Variants in SLC24A2 observed in about 807,000 individuals in gnomAD.
SLC24A2 encodes the protein solute carrier family 24 member 2.
In SLC24A2, 36 loss-of-function variants were observed where a neutral mutation model predicts 62.0. The observed-to-expected ratio is 0.58, with a 90% confidence interval of 0.44 to 0.77. The LOEUF is 0.77. Ranked by LOEUF, SLC24A2 falls within the 30% of genes least tolerant of loss-of-function variation. SLC24A2 has a pLI of 0.00. For missense variants in SLC24A2, 846 were observed against 817.9 expected (o/e 1.03, Z -0.42); for synonymous variants, 358 against 294.0 (o/e 1.22, Z -2.23).
chr9:20,214,726 C>G, the SLC24A2 span, among the ~76,000 whole-genome samples: 1 of 152,258 alleles, frequency 6.6e-6, no homozygotes, highest in East Asian at 1.9e-4. Flanking sequence ...TATCATTTGT[C>G]TTCCCTACTA....
chr9:19,704,144 C>T (rs983885438), intron 2 of SLC24A2, among the ~76,000 whole-genome samples: 1 of 151,840 alleles, frequency 6.6e-6, no homozygotes, highest in Admixed American at 6.6e-5. Flanking sequence ...ATACCTGGAA[C>T]TTGTTAAGAT....
At chr9:19,768,319 C>G (rs908699453) in intron 2 of SLC24A2, among the ~76,000 whole-genome samples, 1 of 152,202 alleles carries the variant, frequency 6.6e-6, no homozygotes, top group Non-Finnish European at 1.5e-5. Context: ...GCCAGGTTTT[C>G]ACCCAAGCAC....
chr9:19,566,319 C>T (rs1184951642), intron 7 of SLC24A2, among the ~76,000 whole-genome samples: 4 of 150,004 alleles, frequency 2.7e-5, no homozygotes, highest in African/African-American at 9.8e-5. Flanking sequence ...ACAGACACTT[C>T]TCAAAAGAAG....
the SLC24A2 span, among the ~76,000 whole-genome samples, chr9:19,999,065 T>C: frequency 6.6e-6 from 1 of 152,212 alleles, no homozygotes; most frequent in Non-Finnish European, 1.5e-5. Flanking sequence ...TGGTGTAAGA[T>C]GGGGATCCCC....
At chr9:19,536,352 T>G in intron 8 of SLC24A2, among the ~76,000 whole-genome samples, 2 of 92,970 alleles carry the variant, frequency 2.2e-5, no homozygotes, top group South Asian at 4.8e-4. Context: ...CCCTCCCCCC[T>G]CCCCCGACCC....
chr9:20,133,469 C>G, the SLC24A2 span, among the ~76,000 whole-genome samples: 1 of 152,080 alleles, frequency 6.6e-6, no homozygotes, highest in African/African-American at 2.4e-5. Flanking sequence ...GCTTATAAAA[C>G]TATATTCTCA....
intron 2 of SLC24A2, among the ~76,000 whole-genome samples, chr9:19,746,646 C>G (rs1185871509): frequency 2.0e-5 from 3 of 152,134 alleles, no homozygotes; most frequent in Non-Finnish European, 4.4e-5. Context: ...TCTGGCATTA[C>G]TCTGAAATCC....
the SLC24A2 span, among the ~76,000 whole-genome samples, chr9:20,195,503 T>A: frequency 6.6e-6 from 1 of 152,208 alleles, no homozygotes; most frequent in Non-Finnish European, 1.5e-5. Flanking sequence ...TCTGTCTAAA[T>A]CTTTAGTCTG....
At chr9:19,529,937 G>A (rs1047047669) in intron 8 of SLC24A2, among the ~76,000 whole-genome samples, 5 of 151,820 alleles carry the variant, frequency 3.3e-5, no homozygotes, top group Non-Finnish European at 5.9e-5. Flanking sequence ...TTTTTTAGTA[G>A]AGGCAGGGTT....
chr9:20,112,339 C>T, the SLC24A2 span, among the ~76,000 whole-genome samples: 1 of 152,192 alleles, frequency 6.6e-6, no homozygotes, highest in African/African-American at 2.4e-5. Flanking sequence ...TGTGAATTTG[C>T]TGGTCTGTTT....
intron 2 of SLC24A2, among the ~76,000 whole-genome samples, chr9:19,757,800 C>T (rs565866650): frequency 2.0e-5 from 3 of 152,142 alleles, no homozygotes; most frequent in South Asian, 4.2e-4. Flanking sequence ...GGGGATGGAT[C>T]CCTTATGAAT....
intron 7 of SLC24A2, among the ~76,000 whole-genome samples, chr9:19,554,716 T>TC (rs1834997751): frequency 6.6e-6 from 1 of 152,156 alleles, no homozygotes; most frequent in African/African-American, 2.4e-5. Flanking sequence ...CCTCCTTCCT[T>TC]CCTCTTTCTT....
chr9:19,543,854 G>A (rs1452494403), intron 8 of SLC24A2, among the ~76,000 whole-genome samples: 1 of 152,084 alleles, frequency 6.6e-6, no homozygotes. Flanking sequence ...TTCCAATTAT[G>A]TGGTCCATTT....
At chr9:19,872,404 C>A in the SLC24A2 span, among the ~76,000 whole-genome samples, 66 of 152,194 alleles carry the variant, frequency 4.3e-4, no homozygotes, top group Non-Finnish European at 8.5e-4. Context: ...CAGGTGCCAG[C>A]ACACAGATAC....
chr9:20,019,253 G>GAGAAAGAAAGAGAGAAAGAAAGAAAGAA, the SLC24A2 span, among the ~76,000 whole-genome samples: 411 of 109,722 alleles, frequency 3.7e-3, 9 homozygotes, highest in Non-Finnish European at 5.0e-3. Flanking sequence ...AAGAAGGAAA[G>GAGAAAGAAAGAGAGAAAGAAAGAAAGAA]AGAAAGAAAG....
chr9:19,728,942 G>A (rs1821254305), intron 2 of SLC24A2, among the ~76,000 whole-genome samples: 1 of 152,172 alleles, frequency 6.6e-6, no homozygotes, highest in Non-Finnish European at 1.5e-5. Context: ...TGCCTGCCAT[G>A]AAAAGAAAAG....
At chr9:20,301,582 CTTT>C in the SLC24A2 span, among the ~76,000 whole-genome samples, 1 of 141,282 alleles carries the variant, frequency 7.1e-6, no homozygotes, top group Non-Finnish European at 1.6e-5. Context: ...AAATTAAAGC[CTTT>C]TTTTTTTTTC....
chr9:20,256,411 G>A, the SLC24A2 span, among the ~76,000 whole-genome samples: 4,990 of 152,244 alleles, frequency 0.033, 211 homozygotes, highest in African/African-American at 0.1. Flanking sequence ...GCTACACAAT[G>A]AAGGCAGACA....
At chr9:19,674,782 T>C (rs1265957468) in intron 2 of SLC24A2, among the ~76,000 whole-genome samples, 5 of 152,334 alleles carry the variant, frequency 3.3e-5, no homozygotes, top group East Asian at 3.9e-4. Context: ...CAAAATTTCA[T>C]TGAGTTGGAC....
Sources: allele counts gnomAD v4.1 joint callset (sites outside exome capture counted in the v4.1 genomes callset), GRCh38; gene constraint gnomAD v4.1.1; transcripts MANE v1.5; gene names NCBI Gene and HGNC (gene_info 2026-07-23, HGNC 2026-07-21).